The following PACSIN2 variants were observed in gnomAD, a reference collection of about 807,000 sequenced individuals.
PACSIN2 encodes the protein protein kinase C and casein kinase substrate in neurons 2, also known as protein kinase C and casein kinase substrate in neurons protein 2.
PACSIN2 carries 25 observed loss-of-function variants against 63.8 expected under a neutral mutation model. That is an observed-to-expected ratio of 0.39 (90% CI 0.29 to 0.55). The LOEUF (loss-of-function observed/expected upper bound fraction) is 0.55. Ranked by LOEUF, PACSIN2 falls within the 20% of genes least tolerant of loss-of-function variation. The pLI, the probability that PACSIN2 is intolerant of heterozygous loss-of-function variation, is 0.62. For missense variants in PACSIN2, 518 were observed against 646.9 expected, an observed-to-expected ratio of 0.80 and a Z score of 2.16; for synonymous variants, 255 against 256.2, an observed-to-expected ratio of 1.00 and a Z score of 0.05.
chr22:42,886,936 G>C (rs560595107), intron 5 of PACSIN2, among the ~76,000 whole-genome samples: 2 of 152,292 alleles, frequency 1.3e-5, no homozygotes, highest in African/African-American at 4.8e-5. Context: ...AACATGAAAG[G>C]CCTCTTCCTC....
chr22:42,981,014 G>C (rs1311444593), intron 1 of PACSIN2, among the ~76,000 whole-genome samples: 1 of 140,678 alleles, frequency 7.1e-6, no homozygotes. Flanking sequence ...TCTCTGCCCG[G>C]CCGCCATCCC....
chr22:42,917,049 C>A (rs1223173892), intron 1 of PACSIN2, among the ~76,000 whole-genome samples: 5 of 152,152 alleles, frequency 3.3e-5, no homozygotes, highest in African/African-American at 1.2e-4. Flanking sequence ...CATACCCACC[C>A]CTATGGCGAC....
At chr22:42,991,684 G>T (rs897471275) in intron 1 of PACSIN2, among the ~76,000 whole-genome samples, 10 of 152,122 alleles carry the variant, frequency 6.6e-5, no homozygotes, top group African/African-American at 2.2e-4. Context: ...ACAGTAAACA[G>T]TCATGAAGAG....
intron 1 of PACSIN2, among the ~76,000 whole-genome samples, chr22:42,990,021 CATATGTATATATATGTATAT>C (rs1922926573): frequency 4.2e-5 from 1 of 23,688 alleles, no homozygotes; most frequent in Non-Finnish European, 7.1e-5. Flanking sequence ...TATATACACA[CATATGTATATATATGTATAT>C]ATATATATAT....
At chr22:42,990,343 A>G (rs1922958749) in intron 1 of PACSIN2, among the ~76,000 whole-genome samples, 1 of 152,086 alleles carries the variant, frequency 6.6e-6, no homozygotes, top group Non-Finnish European at 1.5e-5. Context: ...TGCATTGTTC[A>G]TCCCACAGAG....
At chr22:42,904,199 C>T (rs183267372) in intron 2 of PACSIN2, among the ~76,000 whole-genome samples, 85 of 152,344 alleles carry the variant, frequency 5.6e-4, no homozygotes, top group South Asian at 3.9e-3. Flanking sequence ...CGGCCAGGCT[C>T]CCCATGCTCT....
At chr22:42,903,228 G>A (rs1442229260) in intron 2 of PACSIN2, among the ~76,000 whole-genome samples, 1 of 152,196 alleles carries the variant, frequency 6.6e-6, no homozygotes, top group South Asian at 2.1e-4. Context: ...GCCCTGCAGA[G>A]TCACTACCTC....
chr22:42,997,386 G>C (rs1923477807), intron 1 of PACSIN2, among the ~76,000 whole-genome samples: 1 of 152,060 alleles, frequency 6.6e-6, no homozygotes, highest in Non-Finnish European at 1.5e-5. Context: ...GTAAAACCCT[G>C]TCTCTACTAA....
intron 1 of PACSIN2, among the ~76,000 whole-genome samples, chr22:42,940,875 T>C (rs187231819): frequency 6.6e-6 from 1 of 152,362 alleles, no homozygotes; most frequent in East Asian, 1.9e-4. Context: ...CTTGAGATTC[T>C]TGCTATTTTT....
At chr22:42,886,106 C>T (rs900571235) in intron 5 of PACSIN2, among the ~76,000 whole-genome samples, 5 of 152,184 alleles carry the variant, frequency 3.3e-5, no homozygotes, top group African/African-American at 1.2e-4. Flanking sequence ...TCAGTGGCAA[C>T]AAGATGCTCC....
At chr22:42,896,012 TTC>T (rs2072324916) in intron 2 of PACSIN2, among the ~76,000 whole-genome samples, 1 of 152,190 alleles carries the variant, frequency 6.6e-6, no homozygotes. Flanking sequence ...TGCTGGCTGC[TTC>T]TCTAGGTCGA....
chr22:42,926,520 T>A, intron 1 of PACSIN2, among the ~76,000 whole-genome samples: 1 of 152,098 alleles, frequency 6.6e-6, no homozygotes, highest in East Asian at 1.9e-4. Flanking sequence ...GGAAGGGGAA[T>A]CTTAGGAACT....
chr22:42,883,269 C>T (rs1929213457), intron 6 of PACSIN2, among the ~76,000 whole-genome samples: 1 of 152,172 alleles, frequency 6.6e-6, no homozygotes, highest in African/African-American at 2.4e-5. Flanking sequence ...GCTTCCTCAT[C>T]AATAAGATGG....
intron 2 of PACSIN2, among the ~76,000 whole-genome samples, chr22:42,903,931 C>G (rs1399452831): frequency 1.3e-5 from 2 of 152,164 alleles, no homozygotes; most frequent in African/African-American, 4.8e-5. Flanking sequence ...ATGGAGCTCA[C>G]TACCCTGAAA....
At chr22:42,939,240 A>C (rs752130800) in intron 1 of PACSIN2, among the ~76,000 whole-genome samples, 18 of 152,224 alleles carry the variant, frequency 1.2e-4, no homozygotes, top group Admixed American at 3.9e-4. Context: ...TGATTTTTAC[A>C]GCAATATTTT....
intron 2 of PACSIN2, among the ~76,000 whole-genome samples, chr22:42,899,738 G>A (rs576357293): frequency 1.3e-5 from 2 of 152,334 alleles, no homozygotes; most frequent in East Asian, 3.9e-4. Context: ...CAGGTAGGGG[G>A]CCTCTCCCTG....
In PACSIN2 at chr22:42,876,493, T is replaced by A. The variant is rs1046449460; in HGVS notation, c.1152-160A>T. ...CCAGTGCTAGTGTGAGTTCATGCCA[T>A]CCACACTCATCCTGAGCCATCAACA... On this transcript the variant is annotated intron_variant, in intron 9 of 10. Coordinates refer to ENST00000263246, the MANE Select transcript of PACSIN2 (RefSeq NM_001184970.3). 2.0e-5 allele frequency among the ~76,000 whole-genome samples: 3 copies of A among 152,130 alleles called. No individual in the cohort carries two copies. The East Asian group carries it at 5.8e-4, about 29-fold the overall frequency.
At chr22:42,888,554 C>G in intron 5 of PACSIN2, 89 bp downstream of exon 5, 1 of 1,305,828 alleles carries the variant, frequency 7.7e-7, no homozygotes, top group East Asian at 2.3e-5. Context: ...TCCACCCATT[C>G]ACCCAAGCAG....
At chr22:42,936,116 A>G (rs576087605) in intron 1 of PACSIN2, among the ~76,000 whole-genome samples, 1 of 151,822 alleles carries the variant, frequency 6.6e-6, no homozygotes, top group South Asian at 2.1e-4. Context: ...CTCAGGAGGC[A>G]GAGGCAGGAG....
Sources: allele counts gnomAD v4.1 joint callset (sites outside exome capture counted in the v4.1 genomes callset), GRCh38; gene constraint gnomAD v4.1.1; transcripts MANE v1.5; gene names NCBI Gene and HGNC (gene_info 2026-07-23, HGNC 2026-07-21).